Variants in PDLIM3 observed in about 807,000 individuals in gnomAD.
PDLIM3 encodes PDZ and LIM domain 3.
In PDLIM3, 36 loss-of-function variants were observed where a neutral mutation model predicts 37.3. The observed-to-expected ratio is 0.97, with a 90% CI of 0.74 to 1.28. PDLIM3 has a LOEUF of 1.28. Among genes scored for constraint, PDLIM3 ranks in the 50% most tolerant of loss-of-function variants. The pLI, the probability that PDLIM3 is intolerant of heterozygous loss-of-function variation, is 0.00. For missense variants in PDLIM3, 454 were observed against 485.0 expected (o/e 0.94, Z 0.60); for synonymous variants, 174 against 182.4 (o/e 0.95, Z 0.37).
In PDLIM3 at chr4:185,529,001, AAG is replaced by A. The variant is rs2095739227; in HGVS notation, c.94-3832_94-3831del. On this transcript the variant is annotated intron_variant, in intron 1 of 7. Transcript: ENST00000284767. ...GTTTATTACTGTTTTCCCAAATTAG[AAG>A]AGAGAGCTGAAATGAGGCATAGTGT... Among the ~76,000 whole-genome samples, 5 of 152,300 alleles carry A rather than the reference AAG, an allele frequency of 3.3e-5. No individual in the cohort carries two copies. The South Asian group carries it at 1.0e-3, about 32-fold the overall frequency.
At chr4:185,513,916 G>T in intron 4 of PDLIM3, 2 of 1,193,498 alleles carry the variant, frequency 1.7e-6, no homozygotes, top group Non-Finnish European at 2.1e-6. Context: ...TGGTTTCCAT[G>T]CTCGCTCCTG....
Position 185,502,249 on chromosome 4 carries a change from G to T in PDLIM3, c.*45C>A. ...AAGCCATGAATGTCTTCTCGTGTAA[G>T]TGCGCGTGGGTGGGTGCGTGCGTGC... On this transcript the variant is annotated 3_prime_UTR_variant, in exon 8 of 8. Transcript: ENST00000284767. 6.3e-7 allele frequency: 1 copy of T among 1,579,882 alleles called. No individual in the cohort carries two copies. Among genetic ancestry groups the T allele is most frequent in the Non-Finnish European group, 8.7e-7 (1 of 1,149,210 alleles).
At chr4:185,513,701 CAG>C (rs1198055233) in intron 4 of PDLIM3, 8 of 1,009,172 alleles carry the variant, frequency 7.9e-6, no homozygotes, top group Non-Finnish European at 8.3e-6. Flanking sequence ...AAGGATGGAA[CAG>C]AGGTTTCCTG....
intron 3 of PDLIM3, 100 bp downstream of exon 3, chr4:185,523,262 G>T: frequency 1.3e-6 from 1 of 761,388 alleles, no homozygotes; most frequent in Non-Finnish European, 2.3e-6. Context: ...TTCATAGGTG[G>T]CTTGTTCCAA....
chr4:185,514,654 T>C lies in PDLIM3; in HGVS notation c.331-317A>G, dbSNP rs1356540893. ...GGACTTTTGAAAAGAAAAGAAACCA[T>C]GCTATCACTGTTAGGTACACTGTGG... is the stretch of plus-strand genomic sequence containing the variant. On this transcript the variant is annotated intron_variant, in intron 3 of 7. Coordinates refer to ENST00000284767, the MANE Select transcript of PDLIM3 (RefSeq NM_014476.6). This position sits in a 1 kb window ranked among gnomAD's most constrained non-coding sequence, Gnocchi z 4.0. 2.0e-5 allele frequency: 29 copies of C among 1,473,526 alleles called. No homozygotes were observed. The highest frequency in any genetic ancestry group is 2.5e-5 in the Non-Finnish European group (27 of 1,099,028). The allele number at this position is 1,473,526 out of a possible 1,614,324, so 91.3% of individuals were successfully genotyped here. A position where few individuals can be genotyped will look rare whatever the true frequency, so the allele number is the denominator to read the frequency against.
Position 185,504,444 on chromosome 4 carries a change from C to G in PDLIM3, c.905+31G>C. 5 of 1,532,502 alleles carry G rather than the reference C, an allele frequency of 3.3e-6. No homozygotes were observed. The highest frequency in any genetic ancestry group is 4.5e-6 in the Non-Finnish European group (5 of 1,106,224). The allele number at this position is 1,532,502 out of a possible 1,614,324, so 94.9% of individuals were successfully genotyped here. A position where few individuals can be genotyped will look rare whatever the true frequency, so the allele number is the denominator to read the frequency against. ...GAAATGAACTGTCGCCAAGCTGTAT[C>G]GTAAATTCCAGGGTTAAAAGTGAAA... On this transcript the variant is annotated intron_variant, in intron 7 of 7. Transcript: ENST00000284767. This position sits in a 1 kb window ranked among gnomAD's most constrained non-coding sequence, Gnocchi z 4.7.
In PDLIM3 at chr4:185,535,384, G is replaced by A; in HGVS notation, c.51C>T (p.Leu17=). Residue 17 remains leucine (L), a synonymous_variant, in exon 1 of 8, where the codon CTC becomes CTT. Coordinates refer to ENST00000284767, the MANE Select transcript of PDLIM3 (RefSeq NM_014476.6). ...LPGPAPWGFR[L]SGGIDFNQPL... ...GCTGGTTGAAGTCTATGCCCCCTGAGAGCCTGAAGCCCCAGGGCGCAGGGC... is the reference window on the plus strand; with the variant it reads ...GCTGGTTGAAGTCTATGCCCCCTGAAAGCCTGAAGCCCCAGGGCGCAGGGC... 1.9e-6 allele frequency: 3 copies of A among 1,608,358 alleles called. No homozygotes were observed. The highest frequency in any genetic ancestry group is 1.7e-4 in the Middle Eastern group (1 of 6,036).
chr4:185,529,052 T>C (rs2095739316), intron 1 of PDLIM3, among the ~76,000 whole-genome samples: 2 of 152,196 alleles, frequency 1.3e-5, no homozygotes, highest in Admixed American at 6.5e-5. Flanking sequence ...ATTTTTTATT[T>C]AGGTTCATTA....
chr4:185,523,401 T>C lies in PDLIM3; in HGVS notation c.291A>G (p.Lys97=), dbSNP rs1407465219. The change falls in exon 3 of 8, where the codon AAA becomes AAG. Residue 97 remains lysine, a synonymous_variant. Transcript: ENST00000284767. ...LWSPQVSEDG[K]AHPFKINLES... is the part of the protein sequence containing the mutation. ...CTAAGTTGATTTTGAAAGGATGGGC[T>C]TTCCCATCTTCAGATACTTGTGGAG... 6.2e-7 allele frequency: 1 copy of C among 1,612,474 alleles called. No homozygotes were observed. Among genetic ancestry groups the C allele is most frequent in the Non-Finnish European group, 8.5e-7 (1 of 1,178,738 alleles).
intron 1 of PDLIM3, among the ~76,000 whole-genome samples, chr4:185,531,175 T>C (rs2095743923): frequency 1.3e-5 from 2 of 152,210 alleles, no homozygotes; most frequent in Admixed American, 1.3e-4. Context: ...ATCTAGCTTC[T>C]GGATGGTCCA....
Position 185,517,347 on chromosome 4 carries a change from C to CTTTTT in PDLIM3, c.331-3015_331-3011dup, listed in dbSNP as rs11419562. 23 of 48,804 alleles carry CTTTTT rather than the reference C, an allele frequency of 4.7e-4. 1 individual carries two copies. Among genetic ancestry groups the CTTTTT allele is most frequent in the Non-Finnish European group, 5.3e-4 (13 of 24,300 alleles). 3.0% of individuals were successfully genotyped at this position (48,804 alleles called of 1,614,324 possible). On this transcript the variant is annotated intron_variant, in intron 3 of 7. Transcript: ENST00000284767. Reference sequence around the variant, plus strand: ...ATCACTTAAGTTTTGTGGAGCTTAGCTTTTTTTTTTTTTTTTTTTTTTTTT... The same window carrying CTTTTT: ...ATCACTTAAGTTTTGTGGAGCTTAGCTTTTTTTTTTTTTTTTTTTTTTTTTTTTTT...
Position 185,504,916 on chromosome 4 carries a change from G to A in PDLIM3, c.794-330C>T, listed in dbSNP as rs1477725511. Among the ~76,000 whole-genome samples, 2 of 152,070 alleles carry A rather than the reference G, an allele frequency of 1.3e-5. No homozygotes were observed. The highest frequency in any genetic ancestry group is 1.5e-5 in the Non-Finnish European group (1 of 68,020). ...TAGGGGTGCAATTCAATGACATTAG[G>A]TACATCCAAAATGTTGTGCAAGCAC... On this transcript the variant is annotated intron_variant, in intron 6 of 7. Coordinates refer to ENST00000284767, the MANE Select transcript of PDLIM3 (RefSeq NM_014476.6). The surrounding 1 kb of genome is among the most constrained non-coding windows in gnomAD (Gnocchi z 4.7).
intron 2 of PDLIM3, among the ~76,000 whole-genome samples, 194 bp downstream of exon 2, chr4:185,524,826 C>T (rs2095730037): frequency 6.6e-6 from 1 of 152,080 alleles, no homozygotes; most frequent in Admixed American, 6.6e-5. Context: ...CCAGAGAATC[C>T]TTTTTAGAAA....
At chr4:185,519,567 G>A (rs553642500) in intron 3 of PDLIM3, among the ~76,000 whole-genome samples, 9 of 152,128 alleles carry the variant, frequency 5.9e-5, no homozygotes, top group Non-Finnish European at 1.0e-4. Flanking sequence ...GACTACAGGC[G>A]TGAGCCACCA....
chr4:185,530,104 A>G (rs571293879), intron 1 of PDLIM3, among the ~76,000 whole-genome samples: 82 of 152,312 alleles, frequency 5.4e-4, no homozygotes, highest in African/African-American at 1.9e-3. Context: ...TCTTTCACAT[A>G]CGAGACATTC....
chr4:185,504,113 A>G lies in PDLIM3; in HGVS notation c.905+362T>C, dbSNP rs996128270. ...CAGAGGAGGATACTATGTATACTAAATGTATACACAGTTCATGTATGCATT... is the reference window on the plus strand; with the variant it reads ...CAGAGGAGGATACTATGTATACTAAGTGTATACACAGTTCATGTATGCATT... On this transcript the variant is annotated intron_variant, in intron 7 of 7. Coordinates refer to ENST00000284767, the MANE Select transcript of PDLIM3 (RefSeq NM_014476.6). The surrounding 1 kb of genome is among the most constrained non-coding windows in gnomAD (Gnocchi z 4.7). 6.6e-6 allele frequency among the ~76,000 whole-genome samples: 1 copy of G among 152,176 alleles called. No individual in the cohort carries two copies. The highest frequency in any genetic ancestry group is 1.5e-5 in the Non-Finnish European group (1 of 68,046).
rs372840074 is a variant in PDLIM3, at chr4:185,514,293, A to G, written c.375T>C (p.Pro125=). 149 of 1,614,188 alleles carry G rather than the reference A, an allele frequency of 9.2e-5. No homozygotes were observed. Among genetic ancestry groups the G allele is most frequent in the Non-Finnish European group, 1.2e-4 (140 of 1,180,038 alleles). Residue 125 remains proline (P), a synonymous_variant, in exon 4 of 8, where the codon CCT becomes CCC. Coordinates refer to ENST00000284767, the MANE Select transcript of PDLIM3 (RefSeq NM_014476.6). The surrounding 1 kb of genome is among the most constrained non-coding windows in gnomAD (Gnocchi z 4.0). Reference sequence around the variant, plus strand: ...ACCTGCTTCGGCCCGGGATCACGAAAGGTTTGGGCCGAATATTATGCTTGT... The same window carrying G: ...ACCTGCTTCGGCCCGGGATCACGAAGGGTTTGGGCCGAATATTATGCTTGT... ...FEHKHNIRPK[P]FVIPGRSSGC...
At chr4:185,505,750 C>T (rs1274520068) in intron 6 of PDLIM3, among the ~76,000 whole-genome samples, 1 of 152,210 alleles carries the variant, frequency 6.6e-6, no homozygotes, top group Non-Finnish European at 1.5e-5. Flanking sequence ...GAGCTGCCAT[C>T]CTCTCCCAGG....
intron 4 of PDLIM3, among the ~76,000 whole-genome samples, chr4:185,511,007 G>A (rs2095705672): frequency 6.6e-6 from 1 of 152,214 alleles, no homozygotes; most frequent in Non-Finnish European, 1.5e-5. Context: ...TTCTGGGGTT[G>A]ACTTAGTGAC....
Sources: allele counts gnomAD v4.1 joint callset (sites outside exome capture counted in the v4.1 genomes callset), GRCh38; gene constraint gnomAD v4.1.1; non-coding constraint Gnocchi (gnomAD v3.1); transcripts MANE v1.5; gene names NCBI Gene and HGNC (gene_info 2026-07-23, HGNC 2026-07-21).